Variants in SLC5A1 observed in about 807,000 individuals in gnomAD.
SLC5A1 encodes sodium/glucose cotransporter 1.
Under a neutral mutation model 73.5 loss-of-function variants are expected in SLC5A1, and 42 were observed. That is an observed-to-expected ratio of 0.57 (90% confidence interval 0.45 to 0.74). The LOEUF (loss-of-function observed/expected upper bound fraction) is 0.74. SLC5A1 is among the 30% of genes least tolerant of loss of function. The pLI is 0.00. For missense variants in SLC5A1, 634 were observed against 855.4 expected, an observed-to-expected ratio of 0.74 and a Z score of 3.23; for synonymous variants, 300 against 317.4, an observed-to-expected ratio of 0.95 and a Z score of 0.58.
At chr22:32,070,114 G>C (rs771208910) in intron 5 of SLC5A1, among the ~76,000 whole-genome samples, 24 of 151,946 alleles carry the variant, frequency 1.6e-4, no homozygotes, top group Non-Finnish European at 3.1e-4. Flanking sequence ...GCAGAGCTGA[G>C]ATTTCTCAAG....
chr22:32,049,162 A>AATCTATATCTAT lies in SLC5A1; in HGVS notation c.136-724_136-713dup, dbSNP rs35964250. ...TATATATATAATCTATATTATATAT[A>AATCTATATCTAT]ATCTATATCTATATCTATATCTATA... On this transcript the variant is annotated intron_variant, in intron 1 of 14. Transcript: ENST00000266088. Among the ~76,000 whole-genome samples the AATCTATATCTAT allele has an allele frequency of 3.5e-3, 454 of 129,028 alleles. 2 individuals are homozygous for AATCTATATCTAT. Among genetic ancestry groups the AATCTATATCTAT allele is most frequent in the East Asian group, 8.3e-3 (39 of 4,682 alleles). 84.6% of individuals were successfully genotyped at this position (129,028 alleles called of 152,430 possible).
At chr22:32,058,342 C>T (rs985785372) in intron 2 of SLC5A1, among the ~76,000 whole-genome samples, 43 of 152,142 alleles carry the variant, frequency 2.8e-4, no homozygotes, top group African/African-American at 9.4e-4. Context: ...GTCAATATAG[C>T]GAGATCCCAT....
In SLC5A1 at chr22:32,099,900, T is replaced by TATAC. The variant is rs556918047; in HGVS notation, c.1449+553_1449+556dup. On this transcript the variant is annotated intron_variant, in intron 12 of 14. Coordinates refer to ENST00000266088, the MANE Select transcript of SLC5A1 (RefSeq NM_000343.4). ...ACAAAGTCCTGGTGCACAAGCAGTT[T>TATAC]ATACATAAAACAAAGTGCGTAAGAA... Among the ~76,000 whole-genome samples, 533 of 152,324 alleles carry TATAC rather than the reference T, an allele frequency of 3.5e-3. 6 individuals carry two copies. Among genetic ancestry groups the TATAC allele is most frequent in the African/African-American group, 0.012 (519 of 41,572 alleles).
chr22:32,105,316 C>T (rs1322588583), intron 14 of SLC5A1, among the ~76,000 whole-genome samples: 7 of 145,630 alleles, frequency 4.8e-5, no homozygotes, highest in African/African-American at 1.6e-4. Flanking sequence ...TTTTTGAGAC[C>T]GAGTTTCACT....
At chr22:32,048,438 C>A (rs1731802208) in intron 1 of SLC5A1, among the ~76,000 whole-genome samples, 2 of 152,166 alleles carry the variant, frequency 1.3e-5, no homozygotes, top group African/African-American at 2.4e-5. Context: ...TCCTCATGAA[C>A]CCTCAGTGGC....
intron 11 of SLC5A1, 52 bp from the exon 12 acceptor site, chr22:32,099,131 T>TATAC (rs2094032007): frequency 6.2e-6 from 4 of 650,072 alleles, no homozygotes; most frequent in East Asian, 4.3e-5. Context: ...TATATATATA[T>TATAC]ACTCATGTAG....
Position 32,068,035 on chromosome 22 carries a change from C to A in SLC5A1, c.372+9C>A. Reference sequence around the variant, plus strand: ...TCTATATTAAGGCTGGGGTAAGTATCTGCTCTGTTATTTCATTTCCTGCTG... The same window carrying A: ...TCTATATTAAGGCTGGGGTAAGTATATGCTCTGTTATTTCATTTCCTGCTG... On this transcript the variant is annotated intron_variant, in intron 4 of 14. Transcript: ENST00000266088. 6.2e-7 allele frequency: 1 copy of A among 1,613,184 alleles called. No homozygotes were observed. Among genetic ancestry groups the A allele is most frequent in the Non-Finnish European group, 8.5e-7 (1 of 1,179,150 alleles).
intron 2 of SLC5A1, among the ~76,000 whole-genome samples, chr22:32,055,779 T>C (rs1266902110): frequency 2.6e-5 from 4 of 152,202 alleles, no homozygotes; most frequent in African/African-American, 9.7e-5. Context: ...GTAGTGGGCA[T>C]TAAATAAGAA....
At chr22:32,109,112 TGCA>T (rs774838547) in intron 14 of SLC5A1, among the ~76,000 whole-genome samples, 9 of 152,142 alleles carry the variant, frequency 5.9e-5, no homozygotes, top group East Asian at 5.8e-4. Context: ...AGTTCACGGC[TGCA>T]GTGAGCTATG....
intron 5 of SLC5A1, among the ~76,000 whole-genome samples, chr22:32,075,696 TG>T (rs1238635213): frequency 6.6e-6 from 1 of 151,680 alleles, no homozygotes; most frequent in African/African-American, 2.4e-5. Flanking sequence ...GAGAGGACTA[TG>T]GGGAGAGAAC....
intron 5 of SLC5A1, among the ~76,000 whole-genome samples, chr22:32,078,573 G>A (rs1275511308): frequency 1.3e-5 from 2 of 152,056 alleles, no homozygotes; most frequent in African/African-American, 4.8e-5. Context: ...CCTGGCCTGT[G>A]GTGTTTATTT....
At chr22:32,078,954 C>CAAAAAAAAAAAAAAAA (rs6147589) in intron 5 of SLC5A1, among the ~76,000 whole-genome samples, 1 of 109,116 alleles carries the variant, frequency 9.2e-6, no homozygotes, top group Non-Finnish European at 1.8e-5. Context: ...ACTCTGTCTC[C>CAAAAAAAAAAAAAAAA]AAAAAAAAAA....
intron 10 of SLC5A1, among the ~76,000 whole-genome samples, chr22:32,089,072 CAT>C (rs1177390334): frequency 6.6e-6 from 1 of 152,226 alleles, no homozygotes; most frequent in Admixed American, 6.5e-5. Flanking sequence ...ATAAGAGTGT[CAT>C]ACAGTGGGGA....
chr22:32,044,141 A>T (rs910938266), intron 1 of SLC5A1, among the ~76,000 whole-genome samples: 1 of 152,148 alleles, frequency 6.6e-6, no homozygotes, highest in African/African-American at 2.4e-5. Context: ...CTTATGACAG[A>T]CTGTGGCAGG....
intron 2 of SLC5A1, among the ~76,000 whole-genome samples, chr22:32,057,910 G>C (rs2093954232): frequency 6.6e-6 from 1 of 152,070 alleles, no homozygotes; most frequent in African/African-American, 2.4e-5. Context: ...CAGTCCTCAG[G>C]CTCTGCTAGT....
rs139037092 is a variant in SLC5A1, at chr22:32,084,636, T to G, written c.862T>G (p.Leu288Val). The G allele has an allele frequency of 3.4e-4, 550 of 1,614,134 alleles. 1 individual carries two copies. The highest frequency in any genetic ancestry group is 3.8e-4 in the Non-Finnish European group (448 of 1,179,960). The change falls in exon 8 of 15, where the codon TTG (leucine) becomes GTG (valine). Residue 288 changes from leucine (L) to valine (V), a missense_variant. Leu to Val is a conservative substitution (Grantham distance 32, BLOSUM62 1). This residue lies in a region of SLC5A1 where 422 missense variants were observed against 626.1 expected (regional missense o/e 0.67). Transcript: ENST00000266088. ...GFIFGMSILT[L>V]WYWCTDQVIV... is the part of the protein sequence containing the mutation. ...CATCTTTGGGATGTCCATCCTTACC[T>G]TGTGGTACTGGTGCACAGATCAGGT...
At chr22:32,095,973 C>T (rs966402502) in intron 11 of SLC5A1, among the ~76,000 whole-genome samples, 1 of 152,164 alleles carries the variant, frequency 6.6e-6, no homozygotes, top group African/African-American at 2.4e-5. Flanking sequence ...CGGATGATCC[C>T]CCTTTCCCAC....
intron 5 of SLC5A1, among the ~76,000 whole-genome samples, chr22:32,081,440 C>T (rs1189590600): frequency 2.0e-5 from 3 of 152,164 alleles, no homozygotes; most frequent in African/African-American, 4.8e-5. Flanking sequence ...CTCTCCAGCA[C>T]TCAGACTTGC....
intron 9 of SLC5A1, among the ~76,000 whole-genome samples, chr22:32,085,518 G>T (rs2094006656): frequency 6.8e-6 from 1 of 146,424 alleles, no homozygotes; most frequent in Non-Finnish European, 1.5e-5. Flanking sequence ...TGTCTTCCCT[G>T]GTTTCTTATG....
Sources: gnomAD v4.1 joint callset for allele counts (sites outside exome capture counted in the v4.1 genomes callset) on GRCh38, gnomAD v4.1.1 for gene constraint, gnomAD v4.1.1 regional missense constraint, MANE v1.5 for transcripts, NCBI Gene and HGNC (gene_info 2026-07-23, HGNC 2026-07-21) for gene names.